Variants in RAB3GAP2 observed in about 807,000 individuals in gnomAD.
The protein encoded by RAB3GAP2 is rab3 GTPase-activating protein non-catalytic subunit.
RAB3GAP2 carries 87 observed loss-of-function variants against 185.3 expected under a neutral mutation model. That is an observed-to-expected ratio of 0.47 (90% CI 0.39 to 0.56). The LOEUF (loss-of-function observed/expected upper bound fraction) is 0.56. RAB3GAP2 is among the 20% of genes least tolerant of loss of function. The pLI, the probability that RAB3GAP2 is intolerant of heterozygous loss-of-function variation, is 0.00. For missense variants in RAB3GAP2, 1,492 were observed against 1,638.2 expected, an observed-to-expected ratio of 0.91 and a Z score of 1.54; for synonymous variants, 554 against 576.1, an observed-to-expected ratio of 0.96 and a Z score of 0.55.
chr1:220,175,793 T>A (rs1040976965), intron 21 of RAB3GAP2, among the ~76,000 whole-genome samples: 2 of 152,216 alleles, frequency 1.3e-5, no homozygotes, highest in Admixed American at 6.5e-5. Context: ...CTTTGCTTCT[T>A]ATTTCTCCCT....
chr1:220,216,519 A>T (rs1485003377), intron 2 of RAB3GAP2, among the ~76,000 whole-genome samples: 3 of 152,160 alleles, frequency 2.0e-5, no homozygotes, highest in Non-Finnish European at 4.4e-5. Context: ...CCAACAACTG[A>T]GACTCCAATT....
intron 1 of RAB3GAP2, among the ~76,000 whole-genome samples, chr1:220,233,378 G>A (rs1659535162): frequency 6.6e-6 from 1 of 152,154 alleles, no homozygotes; most frequent in Admixed American, 6.5e-5. Flanking sequence ...CTGATATTCT[G>A]TGATTTCTTA....
intron 27 of RAB3GAP2, among the ~76,000 whole-genome samples, chr1:220,163,451 C>T (rs898811119): frequency 1.5e-4 from 22 of 151,264 alleles, no homozygotes; most frequent in Non-Finnish European, 2.1e-4. Flanking sequence ...CAAGCTCCGC[C>T]TCCTGGGTTC....
chr1:220,150,824 G>A lies in RAB3GAP2; in HGVS notation c.*427C>T, dbSNP rs1180684885. 1 of 158,704 alleles carries A rather than the reference G, an allele frequency of 6.3e-6. No homozygotes were observed. The highest frequency in any genetic ancestry group is 1.4e-5 in the Non-Finnish European group (1 of 72,726). 9.8% of individuals were successfully genotyped at this position (158,704 alleles called of 1,614,324 possible). ...GGCATTTTCTCAACATTTACTAAAGGAGAGTGGGGTGTTCTATACGCTACT... is the reference window on the plus strand; with the variant it reads ...GGCATTTTCTCAACATTTACTAAAGAAGAGTGGGGTGTTCTATACGCTACT... On this transcript the variant is annotated 3_prime_UTR_variant, in exon 35 of 35. Coordinates refer to ENST00000358951, the MANE Select transcript of RAB3GAP2 (RefSeq NM_012414.4).
intron 13 of RAB3GAP2, among the ~76,000 whole-genome samples, chr1:220,191,973 C>T (rs767123466): frequency 1.9e-4 from 29 of 152,054 alleles, no homozygotes; most frequent in Admixed American, 2.6e-4. Flanking sequence ...GCATGGGAGA[C>T]GTAGCTGATG....
chr1:220,226,900 TA>T (rs1380716125), intron 2 of RAB3GAP2, among the ~76,000 whole-genome samples: 1 of 151,650 alleles, frequency 6.6e-6, no homozygotes, highest in Non-Finnish European at 1.5e-5. Flanking sequence ...GGTGTCCTCA[TA>T]AGAGGAAGAG....
intron 1 of RAB3GAP2, chr1:220,267,592 T>C: frequency 2.2e-6 from 3 of 1,367,902 alleles, no homozygotes; most frequent in Non-Finnish European, 3.1e-6. Context: ...TCCTCAGGAT[T>C]ATTTTCAGGT....
intron 1 of RAB3GAP2, among the ~76,000 whole-genome samples, chr1:220,245,519 G>A (rs943589508): frequency 7.2e-5 from 11 of 152,036 alleles, no homozygotes; most frequent in Admixed American, 3.9e-4. Context: ...AGGGTCCTAC[G>A]CCCATGGAAT....
At chr1:220,228,736 A>G (rs2102889753) in intron 2 of RAB3GAP2, among the ~76,000 whole-genome samples, 1 of 152,338 alleles carries the variant, frequency 6.6e-6, no homozygotes, top group Non-Finnish European at 1.5e-5. Flanking sequence ...AAAATGGATA[A>G]TAAGAACAGC....
chr1:220,206,919 A>G (rs1005619169), intron 7 of RAB3GAP2, among the ~76,000 whole-genome samples: 6 of 152,126 alleles, frequency 3.9e-5, no homozygotes, highest in African/African-American at 9.7e-5. Flanking sequence ...TCTTATCAAC[A>G]TGACTTCCTT....
intron 31 of RAB3GAP2, 46 bp downstream of exon 31, chr1:220,157,224 A>G: frequency 6.7e-7 from 1 of 1,498,460 alleles, no homozygotes; most frequent in Non-Finnish European, 9.3e-7. Context: ...TGTGTCTGCT[A>G]AGCCTGCAAC....
At chr1:220,270,856 T>C (rs1256381309) in intron 1 of RAB3GAP2, among the ~76,000 whole-genome samples, 1 of 152,232 alleles carries the variant, frequency 6.6e-6, no homozygotes, top group Non-Finnish European at 1.5e-5. Context: ...GCCACAATTT[T>C]CACAAGGCCT....
At chr1:220,194,029 G>T (rs1350117066) in intron 12 of RAB3GAP2, among the ~76,000 whole-genome samples, 1 of 151,918 alleles carries the variant, frequency 6.6e-6, no homozygotes, top group Non-Finnish European at 1.5e-5. Context: ...TAGGAAATGT[G>T]ATATGTTACA....
chr1:220,243,108 AC>A (rs1659726567), intron 1 of RAB3GAP2, among the ~76,000 whole-genome samples: 1 of 152,154 alleles, frequency 6.6e-6, no homozygotes, highest in Non-Finnish European at 1.5e-5. Context: ...TAATCCCAGC[AC>A]TTTGGGAGGC....
At position 220,222,706 on chromosome 1, in the gene RAB3GAP2, T is replaced by C. The variant is rs537935930; in HGVS notation, c.181-8727A>G. On this transcript the variant is annotated intron_variant, in intron 2 of 34. Transcript: ENST00000358951. ...GCCATTTATTCTTCAATTGTATATA[T>C]AATATGATCTCATTTTCATAAAATG... Among the ~76,000 whole-genome samples, 3 of 152,324 alleles carry C rather than the reference T, an allele frequency of 2.0e-5. No individual in the cohort carries two copies. In the South Asian group the frequency reaches 6.2e-4, roughly 32 times the overall value.
rs201995018 is a variant in RAB3GAP2, at chr1:220,190,395, G to A, written c.1613C>T (p.Pro538Leu). 6.8e-5 allele frequency: 110 copies of A among 1,613,942 alleles called. No homozygotes were observed. Among genetic ancestry groups the A allele is most frequent in the Non-Finnish European group, 9.2e-5 (108 of 1,179,984 alleles). ...ACCTTACCTCAGTGCTAAATGGAAG[G>A]GAACGTTCACTGTTTTCACACTTCC... Reference protein sequence around the residue: ...VSGSVKTVNVPFHLALSDKKS... With the variant: ...VSGSVKTVNVLFHLALSDKKS... The change falls in exon 15 of 35, where the codon CCC (proline) becomes CTC (leucine). Residue 538 changes from proline (P) to leucine (L), a missense_variant. Coordinates refer to ENST00000358951, the MANE Select transcript of RAB3GAP2 (RefSeq NM_012414.4).
intron 27 of RAB3GAP2, among the ~76,000 whole-genome samples, chr1:220,162,951 C>T (rs1657989062): frequency 6.6e-6 from 1 of 152,018 alleles, no homozygotes; most frequent in South Asian, 2.1e-4. Flanking sequence ...ACAAACCAGG[C>T]TGGGCAACAT....
rs144575028 is a variant in RAB3GAP2, at chr1:220,214,504, C to T, written c.181-525G>A. Among the ~76,000 whole-genome samples, 274 of 150,536 alleles carry T rather than the reference C, an allele frequency of 1.8e-3. 2 individuals are homozygous for T. Among genetic ancestry groups the T allele is most frequent in the African/African-American group, 6.3e-3 (260 of 40,946 alleles). ...TCGCACCACTACAATCCAGCTTGGGCGACAGAGTGAGACTCTGTCTCAGGG... is the reference window on the plus strand; with the variant it reads ...TCGCACCACTACAATCCAGCTTGGGTGACAGAGTGAGACTCTGTCTCAGGG... On this transcript the variant is annotated intron_variant, in intron 2 of 34. Transcript: ENST00000358951.
Position 220,158,941 on chromosome 1 carries a change from G to T in RAB3GAP2, c.3261+445C>A, listed in dbSNP as rs1443758481. On this transcript the variant is annotated intron_variant, in intron 29 of 34. Transcript: ENST00000358951. This position sits in a 1 kb window ranked among gnomAD's most constrained non-coding sequence, Gnocchi z 4.3. ...TATTAATTTCTTGGGTCAAATACAA[G>T]TCCCATATCCATGGATTAGAATATT... Among the ~76,000 whole-genome samples, 1 of 152,030 alleles carries T rather than the reference G, an allele frequency of 6.6e-6. No individual in the cohort carries two copies. Among genetic ancestry groups the T allele is most frequent in the Non-Finnish European group, 1.5e-5 (1 of 68,022 alleles).
Sources: allele counts gnomAD v4.1 joint callset (sites outside exome capture counted in the v4.1 genomes callset), GRCh38; gene constraint gnomAD v4.1.1; non-coding constraint Gnocchi (gnomAD v3.1); transcripts MANE v1.5; gene names NCBI Gene and HGNC (gene_info 2026-07-23, HGNC 2026-07-21).